BTC: variants seen among roughly 807,000 people sequenced by gnomAD.
BTC encodes betacellulin.
A neutral mutation model predicts 18.1 loss-of-function variants in BTC; 13 were observed. The observed-to-expected ratio is 0.72, with a 90% CI of 0.47 to 1.14. BTC has a LOEUF of 1.14. Ranked by LOEUF, BTC falls within the 50% of genes most tolerant of loss-of-function variation. The probability of loss-of-function intolerance (pLI) is 0.00; values close to 1 mark genes in which losing one functional copy is unlikely to be tolerated. For missense variants in BTC, 247 were observed against 224.2 expected (o/e 1.10, Z -0.65); for synonymous variants, 83 against 79.4 (o/e 1.05, Z -0.24).
At chr4:74,779,250 A>G (rs911693704) in intron 1 of BTC, among the ~76,000 whole-genome samples, 4 of 152,166 alleles carry the variant, frequency 2.6e-5, no homozygotes, top group African/African-American at 9.6e-5. Context: ...TAAAGCCCAG[A>G]AGGGAAAGTA....
rs114975808 is a variant in BTC, at chr4:74,750,327, G to A, written c.428+246C>T. Among the ~76,000 whole-genome samples, 846 of 152,166 alleles carry A rather than the reference G, an allele frequency of 5.6e-3. 6 individuals are homozygous for A. Among genetic ancestry groups the A allele is most frequent in the African/African-American group, 0.02 (823 of 41,518 alleles). On this transcript the variant is annotated intron_variant, in intron 4 of 5. Transcript: ENST00000395743. ...TATGGTACAGTTTTAGAAAATAGAA[G>A]TCTTATGTAGCCTACTATACAAATT...
In BTC at chr4:74,769,995, T is replaced by G; in HGVS notation, c.163+63A>C. The stretch of plus-strand genomic sequence containing the variant: ...ATGTTCAAATGTTTACCTAGTATTA[T>G]GAGTACTATTATTATCAGAAAATTA... On this transcript the variant is annotated intron_variant, in intron 2 of 5. Coordinates refer to ENST00000395743, the MANE Select transcript of BTC (RefSeq NM_001729.4). 3 of 1,334,846 alleles carry G rather than the reference T, an allele frequency of 2.2e-6. No individual in the cohort carries two copies. The South Asian group carries it at 3.7e-5, about 17-fold the overall frequency. 82.7% of individuals were successfully genotyped at this position (1,334,846 alleles called of 1,614,324 possible).
In BTC at chr4:74,761,323, C is replaced by G. The variant is rs370450881; in HGVS notation, c.164-5347G>C. On this transcript the variant is annotated intron_variant, in intron 2 of 5. Transcript: ENST00000395743. ...TCATTCTCCTTTGCAGGCTCCTCCT[C>G]GCCTCCCTGAACCTCTAAAATTTTG... 3.9e-5 allele frequency among the ~76,000 whole-genome samples: 6 copies of G among 152,278 alleles called. 1 individual carries two copies. The highest frequency in any genetic ancestry group is 9.6e-5 in the African/African-American group (4 of 41,556).
chr4:74,755,226 C>T (rs1357236449), intron 3 of BTC, among the ~76,000 whole-genome samples: 47 of 152,146 alleles, frequency 3.1e-4, no homozygotes, highest in Admixed American at 3.0e-3. Flanking sequence ...GAAGAATCTC[C>T]TCCCACTTCT....
intron 2 of BTC, among the ~76,000 whole-genome samples, chr4:74,759,656 T>C (rs1264264623): frequency 8.1e-6 from 1 of 123,702 alleles, no homozygotes; most frequent in Admixed American, 8.6e-5. Context: ...GACATTTAAG[T>C]TAAAAAAAAA....
At chr4:74,755,228 C>T (rs1724567561) in intron 3 of BTC, among the ~76,000 whole-genome samples, 1 of 152,120 alleles carries the variant, frequency 6.6e-6, no homozygotes. Flanking sequence ...AGAATCTCCT[C>T]CCACTTCTCT....
chr4:74,784,231 C>CA (rs1560724251), intron 1 of BTC, among the ~76,000 whole-genome samples: 185 of 116,358 alleles, frequency 1.6e-3, no homozygotes, highest in African/African-American at 7.3e-3. Flanking sequence ...GATTCTCTCT[C>CA]GAAAAAAAAA....
intron 2 of BTC, among the ~76,000 whole-genome samples, chr4:74,759,158 A>G (rs1724682192): frequency 6.6e-6 from 1 of 152,174 alleles, no homozygotes; most frequent in African/African-American, 2.4e-5. Context: ...AGACCTGATA[A>G]TATAGGGCAC....
intron 1 of BTC, among the ~76,000 whole-genome samples, chr4:74,781,396 T>TGTGTGTGTGTGA (rs146276012): frequency 6.6e-6 from 1 of 151,026 alleles, no homozygotes. Context: ...TGTGTGTGTG[T>TGTGTGTGTGTGA]GTGTGTGTGT....
intron 4 of BTC, among the ~76,000 whole-genome samples, chr4:74,749,678 A>ATT (rs1560708204): frequency 4.1e-4 from 37 of 90,588 alleles, no homozygotes; most frequent in African/African-American, 5.2e-4. Flanking sequence ...TTAATAAGAT[A>ATT]GTTTTTTTTG....
intron 1 of BTC, among the ~76,000 whole-genome samples, chr4:74,780,219 T>C (rs953659463): frequency 6.6e-6 from 1 of 152,208 alleles, no homozygotes; most frequent in African/African-American, 2.4e-5. Flanking sequence ...CAACACATAT[T>C]GCCAGTTGAA....
rs782589887 is a variant in BTC at position 74,755,878 on chromosome 4, C to T, written c.262G>A (p.Glu88Lys). The T allele has an allele frequency of 2.0e-5, 33 of 1,613,952 alleles. No individual in the cohort carries two copies. The highest frequency in any genetic ancestry group is 3.3e-4 in the Middle Eastern group (2 of 6,084). ...IKGRCRFVVA[E>K]QTPSCVCDEG... is the part of the protein sequence containing the mutation. ...ACTTACACACAGGAGGGCGTCTGCT[C>T]GGCCACCACGAAGCGGCATCTCCCT... is the stretch of plus-strand genomic sequence containing the variant. Residue 88 changes from glutamate to lysine, a missense_variant, in exon 3 of 6, where the codon GAG becomes AAG. By Grantham distance (56) the Glu-to-Lys change is moderately conservative. Transcript: ENST00000395743.
chr4:74,770,214 T>C, intron 1 of BTC, 58 bp from the exon 2 acceptor site: 1 of 1,341,044 alleles, frequency 7.5e-7, no homozygotes, highest in Non-Finnish European at 1.0e-6. Context: ...TGTGAAACAG[T>C]CTATCAAAGT....
intron 3 of BTC, 102 bp from the exon 4 acceptor site, chr4:74,750,821 T>G: frequency 8.4e-6 from 12 of 1,435,850 alleles, no homozygotes; most frequent in Non-Finnish European, 1.1e-5. Flanking sequence ...TTGAAATTAA[T>G]AAAGAACACA....
At chr4:74,792,374 C>T (rs1477662395) in intron 1 of BTC, among the ~76,000 whole-genome samples, 1 of 152,166 alleles carries the variant, frequency 6.6e-6, no homozygotes, top group Non-Finnish European at 1.5e-5. Context: ...TTTCAATAGT[C>T]ATTTCTACTA....
At position 74,755,847 on chromosome 4, in the gene BTC, C is replaced by A. The variant is rs943311509; in HGVS notation, c.281+12G>T. The A allele has an allele frequency of 6.2e-7, 1 of 1,612,626 alleles. No homozygotes were observed. Among genetic ancestry groups the A allele is most frequent in the African/African-American group, 1.3e-5 (1 of 74,988 alleles). The stretch of plus-strand genomic sequence containing the variant: ...CACCCTTTTGCTTGCTGGCTGAGGA[C>A]ACTCCACTTACACACAGGAGGGCGT... On this transcript the variant is annotated intron_variant, in intron 3 of 5. Transcript: ENST00000395743.
chr4:74,783,681 C>T (rs1431322984), intron 1 of BTC, among the ~76,000 whole-genome samples: 1 of 144,724 alleles, frequency 6.9e-6, no homozygotes, highest in Non-Finnish European at 1.5e-5. Context: ...ATGGGGATAG[C>T]ATTGAATCTA....
intron 2 of BTC, among the ~76,000 whole-genome samples, chr4:74,761,927 A>G (rs577423542): frequency 2.0e-5 from 3 of 152,322 alleles, no homozygotes; most frequent in African/African-American, 7.2e-5. Flanking sequence ...GCAAGGCTCT[A>G]TTATACATTA....
chr4:74,750,850 G>T, intron 3 of BTC, 131 bp from the exon 4 acceptor site: 2 of 1,247,194 alleles, frequency 1.6e-6, no homozygotes, highest in Non-Finnish European at 2.2e-6. Flanking sequence ...TTTAAAAAAA[G>T]ATGCACTACT....
Sources: gnomAD v4.1 joint callset for allele counts (sites outside exome capture counted in the v4.1 genomes callset) on GRCh38, gnomAD v4.1.1 for gene constraint, MANE v1.5 for transcripts, NCBI Gene and HGNC (gene_info 2026-07-23, HGNC 2026-07-21) for gene names.